Variants in ZNF57 observed in about 807,000 individuals in gnomAD.
ZNF57 encodes zinc finger protein 424.
ZNF57 carries 11 observed loss-of-function variants against 13.4 expected under a neutral mutation model. The ratio of observed to expected loss-of-function variants is 0.82; its 90% CI spans 0.52 to 1.36. The LOEUF is 1.36. ZNF57 is among the 40% of genes most tolerant of loss of function. The pLI, the probability that ZNF57 is intolerant of heterozygous loss-of-function variation, is 0.00. For missense variants in ZNF57, 696 were observed against 667.5 expected (o/e 1.04, Z -0.47); for synonymous variants, 224 against 238.5 (o/e 0.94, Z 0.56).
At chr19:2,913,663 GTTT>G (rs748351819) in intron 1 of ZNF57, among the ~76,000 whole-genome samples, 1 of 143,952 alleles carries the variant, frequency 6.9e-6, no homozygotes, top group African/African-American at 2.5e-5. Context: ...CTTATTTCTG[GTTT>G]TTTTTTTGGT....
At chr19:2,908,171 CTT>C (rs1457190682) in intron 1 of ZNF57, among the ~76,000 whole-genome samples, 2 of 152,136 alleles carry the variant, frequency 1.3e-5, no homozygotes, top group African/African-American at 4.8e-5. Flanking sequence ...TGGTAAAAAT[CTT>C]TTTCTAGGAT....
chr19:2,915,495 C>T (rs770584387), intron 1 of ZNF57, 27 bp from the exon 2 acceptor site: 20 of 1,610,706 alleles, frequency 1.2e-5, no homozygotes, highest in South Asian at 2.2e-5. Context: ...CTCCAATCCT[C>T]CTGCACACCT....
At position 2,917,079 on chromosome 19, in the gene ZNF57, C is replaced by G; in HGVS notation, c.458C>G (p.Ser153Cys). Residue 153 changes from serine to cysteine, a missense_variant, in exon 4 of 4, where the codon TCT becomes TGT. Physicochemically the swap from Ser to Cys is moderately radical, Grantham distance 112. This residue lies in a region of ZNF57 where 645 missense variants were observed against 591.5 expected (regional missense o/e 1.09). Coordinates refer to ENST00000306908, the MANE Select transcript of ZNF57 (RefSeq NM_173480.3). ...TGCAGGACAGTCTTCACGCATCTTT[C>G]TTCTCTTAAAAGGCACGTCAAGTCT... Reference protein sequence around the residue: ...TKCRTVFTHLSSLKRHVKSHC... With the variant: ...TKCRTVFTHLCSLKRHVKSHC... The G allele has an allele frequency of 6.2e-7, 1 of 1,614,180 alleles. No homozygotes were observed.
intron 1 of ZNF57, among the ~76,000 whole-genome samples, chr19:2,913,920 C>T (rs2088164348): frequency 6.6e-6 from 1 of 152,168 alleles, no homozygotes; most frequent in Non-Finnish European, 1.5e-5. Context: ...GGATTACAGG[C>T]GTGAGCCACC....
In ZNF57 at chr19:2,905,321, C is replaced by T. The variant is rs529593243; in HGVS notation, c.3+4273C>T. Among the ~76,000 whole-genome samples the T allele has an allele frequency of 3.5e-5, 5 of 141,272 alleles. No homozygotes were observed. In the South Asian group the frequency reaches 6.7e-4, roughly 19 times the overall value. 92.7% of individuals were successfully genotyped at this position (141,272 alleles called of 152,430 possible). On this transcript the variant is annotated intron_variant, in intron 1 of 3. Coordinates refer to ENST00000306908, the MANE Select transcript of ZNF57 (RefSeq NM_173480.3). ...CTGAGATTACAGGCACATGCCAGCACGCCCAGTTAATTTTTAAATTTTTAG... is the reference window on the plus strand; with the variant it reads ...CTGAGATTACAGGCACATGCCAGCATGCCCAGTTAATTTTTAAATTTTTAG...
At chr19:2,916,426 C>A in intron 3 of ZNF57, 177 bp downstream of exon 3, 2 of 614,312 alleles carry the variant, frequency 3.3e-6, no homozygotes, top group Non-Finnish European at 5.2e-6. Context: ...GAAGTAATTA[C>A]AGGGGGCCGG....
rs774785466 is a variant in ZNF57, at chr19:2,918,307, T to C, written c.*18T>C. ...CACACTAAAGAGAAATTCTATAACT[T>C]TAATGGGGTAACCTCACATTAATTC... is the stretch of plus-strand genomic sequence containing the variant. On this transcript the variant is annotated 3_prime_UTR_variant, in exon 4 of 4. Coordinates refer to ENST00000306908, the MANE Select transcript of ZNF57 (RefSeq NM_173480.3). 6 of 1,564,928 alleles carry C rather than the reference T, an allele frequency of 3.8e-6. No homozygotes were observed. In the East Asian group the frequency reaches 9.0e-5, roughly 23 times the overall value.
intron 1 of ZNF57, among the ~76,000 whole-genome samples, chr19:2,908,440 ATTG>A (rs767870634): frequency 7.5e-4 from 96 of 128,370 alleles, no homozygotes; most frequent in Non-Finnish European, 1.1e-3. Flanking sequence ...TGCACATTTC[ATTG>A]TTGTTGTTAT....
At chr19:2,908,762 C>A (rs2144924356) in intron 1 of ZNF57, among the ~76,000 whole-genome samples, 1 of 152,160 alleles carries the variant, frequency 6.6e-6, no homozygotes, top group Admixed American at 6.6e-5. Flanking sequence ...GAGGACATTT[C>A]CATCACCTCA....
chr19:2,912,238 T>C (rs1205534133), intron 1 of ZNF57: 1 of 152,166 alleles, frequency 6.6e-6, no homozygotes, highest in Non-Finnish European at 1.5e-5. Flanking sequence ...AGGAAGATGA[T>C]GGGGGATACA....
At position 2,917,778 on chromosome 19, in the gene ZNF57, AC is replaced by A; in HGVS notation, c.1158del (p.His386GlnfsTer26). Reference sequence around the variant, plus strand: ...ACGTTTAGAGAACATGTGAGAATTCACACGCAAGAGCAGCTCTATAAATGTG... The same window carrying A: ...ACGTTTAGAGAACATGTGAGAATTCAACGCAAGAGCAGCTCTATAAATGTG... ...SSTFREHVRI[H>X]TQEQLYKCEQ... On this transcript the variant is annotated frameshift_variant, in exon 4 of 4. Coordinates refer to ENST00000306908, the MANE Select transcript of ZNF57 (RefSeq NM_173480.3). LOFTEE classifies it low-confidence loss of function (END_TRUNC). 6.2e-7 allele frequency: 1 copy of A among 1,606,186 alleles called. No individual in the cohort carries two copies. The highest frequency in any genetic ancestry group is 8.5e-7 in the Non-Finnish European group (1 of 1,176,206).
At chr19:2,903,439 T>A (rs1271698704) in intron 1 of ZNF57, among the ~76,000 whole-genome samples, 2 of 152,106 alleles carry the variant, frequency 1.3e-5, no homozygotes, top group African/African-American at 4.8e-5. Flanking sequence ...CTCAAACTCC[T>A]GACCTTAAGT....
Position 2,905,416 on chromosome 19 carries a change from CCCT to C in ZNF57, c.3+4370_3+4372del, listed in dbSNP as rs1167979392. On this transcript the variant is annotated intron_variant, in intron 1 of 3. Transcript: ENST00000306908. ...TTGACTTCAGGTGATCGCCCCCCCC[CCCT>C]CGGCATTCCAAAGTATTTGCATTAC... Among the ~76,000 whole-genome samples the C allele has an allele frequency of 1.6e-3, 116 of 74,126 alleles. 48 individuals are homozygous for C. The highest frequency in any genetic ancestry group is 6.8e-3 in the South Asian group (15 of 2,210). The allele number at this position is 74,126 out of a possible 152,430, so 48.6% of individuals were successfully genotyped here.
rs1206903780 is a variant in ZNF57, at chr19:2,909,687, CCTGG to C, written c.4-5832_4-5829del. On this transcript the variant is annotated intron_variant, in intron 1 of 3. Transcript: ENST00000306908. ...TGTCTTAAGGTCTTTAGCCTCCACACCTGGCTAATTTTTTCTTAATTTTAGAAAT... is the reference window on the plus strand; with the variant it reads ...TGTCTTAAGGTCTTTAGCCTCCACACCTAATTTTTTCTTAATTTTAGAAAT... Among the ~76,000 whole-genome samples, 10 of 46,964 alleles carry C rather than the reference CCTGG, an allele frequency of 2.1e-4. 4 individuals are homozygous for C. The highest frequency in any genetic ancestry group is 4.8e-4 in the African/African-American group (10 of 20,638). The allele number at this position is 46,964 out of a possible 152,430, so 30.8% of individuals were successfully genotyped here. A position where few individuals can be genotyped will look rare whatever the true frequency, so the allele number is the denominator to read the frequency against.
chr19:2,905,675 G>C (rs1473156174), intron 1 of ZNF57, among the ~76,000 whole-genome samples: 1 of 149,394 alleles, frequency 6.7e-6, no homozygotes, highest in Non-Finnish European at 1.5e-5. Context: ...TGAGGCTGGA[G>C]AATGGCGTGA....
At chr19:2,902,045 G>T (rs2144916138) in intron 1 of ZNF57, among the ~76,000 whole-genome samples, 1 of 151,560 alleles carries the variant, frequency 6.6e-6, no homozygotes, top group East Asian at 1.9e-4. Flanking sequence ...ATTCACAAGG[G>T]CGAGGAGGAC....
intron 1 of ZNF57, among the ~76,000 whole-genome samples, chr19:2,902,518 T>TAGC (rs2088038778): frequency 6.6e-6 from 1 of 152,172 alleles, no homozygotes; most frequent in Non-Finnish European, 1.5e-5. Flanking sequence ...CCACATCTTA[T>TAGC]AGCAGCTAGA....
intron 1 of ZNF57, among the ~76,000 whole-genome samples, chr19:2,903,289 G>GTA (rs2088044556): frequency 6.6e-6 from 1 of 151,890 alleles, no homozygotes; most frequent in African/African-American, 2.4e-5. Flanking sequence ...TCCACACATT[G>GTA]TATCATCCGC....
chr19:2,917,271 C>T lies in ZNF57; in HGVS notation c.650C>T (p.Thr217Ile), dbSNP rs201768786. The change falls in exon 4 of 4, where the codon ACT becomes ATT. Residue 217 changes from threonine (T) to isoleucine (I), a missense_variant. Coordinates refer to ENST00000306908, the MANE Select transcript of ZNF57 (RefSeq NM_173480.3). Reference protein sequence around the residue: ...HPRYLSHHVKTHTAEKTYKCE... With the variant: ...HPRYLSHHVKIHTAEKTYKCE... ...CGTTACCTCTCCCACCACGTAAAGACTCACACAGCAGAGAAAACCTACAAA... is the reference window on the plus strand; with the variant it reads ...CGTTACCTCTCCCACCACGTAAAGATTCACACAGCAGAGAAAACCTACAAA... The T allele has an allele frequency of 2.2e-4, 363 of 1,614,002 alleles. 1 individual carries two copies. Among genetic ancestry groups the T allele is most frequent in the Non-Finnish European group, 2.9e-4 (348 of 1,179,966 alleles).
Sources: gnomAD v4.1 joint callset for allele counts (sites outside exome capture counted in the v4.1 genomes callset) on GRCh38, gnomAD v4.1.1 for gene constraint, gnomAD v4.1.1 regional missense constraint, MANE v1.5 for transcripts, NCBI Gene and HGNC (gene_info 2026-07-23, HGNC 2026-07-21) for gene names.